CHST1: variants seen among roughly 807,000 people sequenced by gnomAD.
CHST1 encodes the protein Keratan sulfotransferase.
In CHST1, 10 loss-of-function variants were observed where a neutral mutation model predicts 22.5. The ratio of observed to expected loss-of-function variants is 0.44; its 90% CI spans 0.27 to 0.75. CHST1 has a LOEUF of 0.75. Among genes scored for constraint, CHST1 ranks in the 30% least tolerant of loss-of-function variants. The pLI is 0.15. For missense variants in CHST1, 439 were observed against 576.1 expected, an observed-to-expected ratio of 0.76 and a Z score of 2.44; for synonymous variants, 267 against 264.5, an observed-to-expected ratio of 1.01 and a Z score of -0.09.
At chr11:45,660,775 G>A (rs1852121976) in intron 1 of CHST1, among the ~76,000 whole-genome samples, 1 of 152,136 alleles carries the variant, frequency 6.6e-6, no homozygotes, top group South Asian at 2.1e-4. Flanking sequence ...CAAGTGCCCA[G>A]CTTGGGGCCC....
intron 1 of CHST1, among the ~76,000 whole-genome samples, chr11:45,659,439 G>A (rs1039571320): frequency 6.6e-6 from 1 of 152,142 alleles, no homozygotes; most frequent in Non-Finnish European, 1.5e-5. Context: ...CCCCGACCCA[G>A]ATACTGGTGC....
At chr11:45,656,718 A>G (rs1057142115) in intron 1 of CHST1, among the ~76,000 whole-genome samples, 2 of 75,274 alleles carry the variant, frequency 2.7e-5, no homozygotes, top group African/African-American at 5.0e-5. Context: ...TGTGCCTCCC[A>G]CCCTCCCCCC....
chr11:45,650,985 G>A lies in CHST1; in HGVS notation c.-42-20C>T. 6.7e-7 allele frequency: 1 copy of A among 1,493,078 alleles called. No homozygotes were observed. The highest frequency in any genetic ancestry group is 8.9e-7 in the Non-Finnish European group (1 of 1,121,192). 92.5% of individuals were successfully genotyped at this position (1,493,078 alleles called of 1,614,324 possible). A position where few individuals can be genotyped will look rare whatever the true frequency, so the allele number is the denominator to read the frequency against. On this transcript the variant is annotated intron_variant, in intron 3 of 3. Transcript: ENST00000308064. ...TGAGGTCTGTGGGCAAAGGCGGCCA[G>A]CGGTCAGGTGCCTCCACGGCGGGGG...
At chr11:45,654,892 C>G (rs1161221418) in intron 1 of CHST1, among the ~76,000 whole-genome samples, 1 of 152,228 alleles carries the variant, frequency 6.6e-6, no homozygotes, top group African/African-American at 2.4e-5. Context: ...AGCTCACCCC[C>G]TGAACCATGC....
At chr11:45,664,564 C>T (rs572912031) in intron 1 of CHST1, among the ~76,000 whole-genome samples, 102 of 152,356 alleles carry the variant, frequency 6.7e-4, no homozygotes, top group African/African-American at 2.4e-3. Flanking sequence ...GCACTGGGTC[C>T]CTGGAGCCTG....
At position 45,649,912 on chromosome 11, in the gene CHST1, C is replaced by G; in HGVS notation, c.1012G>C (p.Gly338Arg). Residue 338 changes from glycine (G) to arginine (R), a missense_variant, in exon 4 of 4, where the codon GGC becomes CGC. Physicochemically the swap from Gly to Arg is moderately radical, Grantham distance 125. Coordinates refer to ENST00000308064, the MANE Select transcript of CHST1 (RefSeq NM_003654.6). ...VARWIQNNTR[G>R]DPTLGKHKYG... ...TTGTGCTTGCCCAGGGTGGGGTCGCCCCGCGTGTTGTTCTGGATCCAGCGG... is the reference window on the plus strand; with the variant it reads ...TTGTGCTTGCCCAGGGTGGGGTCGCGCCGCGTGTTGTTCTGGATCCAGCGG... 6.2e-7 allele frequency: 1 copy of G among 1,612,370 alleles called. No homozygotes were observed. The highest frequency in any genetic ancestry group is 8.5e-7 in the Non-Finnish European group (1 of 1,180,010).
At chr11:45,662,451 T>C (rs1852146865) in intron 1 of CHST1, among the ~76,000 whole-genome samples, 1 of 152,290 alleles carries the variant, frequency 6.6e-6, no homozygotes, top group East Asian at 1.9e-4. Context: ...AAAAAATGGC[T>C]GGCTGCTTCC....
In CHST1 at chr11:45,649,464, GC is replaced by G. The variant is rs1851960765; in HGVS notation, c.*223del. 1.9e-5 allele frequency: 10 copies of G among 514,786 alleles called. No homozygotes were observed. The highest frequency in any genetic ancestry group is 1.9e-4 in the African/African-American group (9 of 46,624). The allele number at this position is 514,786 out of a possible 1,614,324, so 31.9% of individuals were successfully genotyped here. A position where few individuals can be genotyped will look rare whatever the true frequency, so the allele number is the denominator to read the frequency against. On this transcript the variant is annotated 3_prime_UTR_variant, in exon 4 of 4. Transcript: ENST00000308064. ...ATGTGTCTGAATGGGGGGGGGGGGG[GC>G]GGGACCCTACTTCAGGCGCCCTCTG...
In CHST1 at chr11:45,648,249, TGGGTAACATTTAGCACAAGAA is replaced by T. The variant is rs1851941948; in HGVS notation, c.*1418_*1438del. Among the ~76,000 whole-genome samples the T allele has an allele frequency of 6.6e-6, 1 of 152,060 alleles. No individual in the cohort carries two copies. Among genetic ancestry groups the T allele is most frequent in the African/African-American group, 2.4e-5 (1 of 41,390 alleles). ...CCTAGACCCAGACCCACCAACTAAA[TGGGTAACATTTAGCACAAGAA>T]GGGATTCCAGGATGTCATTCTTACC... On this transcript the variant is annotated 3_prime_UTR_variant, in exon 4 of 4. Transcript: ENST00000308064.
At chr11:45,662,257 C>G (rs1852144024) in intron 1 of CHST1, among the ~76,000 whole-genome samples, 1 of 152,184 alleles carries the variant, frequency 6.6e-6, no homozygotes, top group Non-Finnish European at 1.5e-5. Context: ...TCCTCTCCAT[C>G]TGCCTCAACC....
chr11:45,663,196 T>C (rs1852155952), intron 1 of CHST1, among the ~76,000 whole-genome samples: 1 of 152,038 alleles, frequency 6.6e-6, no homozygotes, highest in Non-Finnish European at 1.5e-5. Flanking sequence ...GGGAATCTAG[T>C]AGGGCATGAA....
intron 1 of CHST1, among the ~76,000 whole-genome samples, chr11:45,653,096 C>T (rs1418337862): frequency 6.6e-6 from 1 of 152,224 alleles, no homozygotes; most frequent in Non-Finnish European, 1.5e-5. Context: ...GGTGAACTCA[C>T]GTGCTTTGTG....
chr11:45,660,104 T>C (rs1173329330), intron 1 of CHST1, among the ~76,000 whole-genome samples: 1 of 152,238 alleles, frequency 6.6e-6, no homozygotes, highest in Non-Finnish European at 1.5e-5. Flanking sequence ...CGGCTGCTCA[T>C]ATACAGTGGC....
chr11:45,663,153 C>T (rs936320673), intron 1 of CHST1, among the ~76,000 whole-genome samples: 6 of 151,824 alleles, frequency 4.0e-5, no homozygotes, highest in African/African-American at 9.7e-5. Flanking sequence ...AGATCCACAG[C>T]GGGCAAGGGA....
At chr11:45,662,732 GA>G (rs1405448232) in intron 1 of CHST1, among the ~76,000 whole-genome samples, 2 of 152,150 alleles carry the variant, frequency 1.3e-5, no homozygotes, top group Non-Finnish European at 2.9e-5. Flanking sequence ...TTACAGAGGG[GA>G]AAACTGAGGC....
At chr11:45,658,515 G>C (rs1292852728) in intron 1 of CHST1, among the ~76,000 whole-genome samples, 1 of 152,214 alleles carries the variant, frequency 6.6e-6, no homozygotes, top group Non-Finnish European at 1.5e-5. Flanking sequence ...CAGAGACCTT[G>C]TCTGGGGTAA....
intron 1 of CHST1, among the ~76,000 whole-genome samples, chr11:45,664,674 G>A (rs575639386): frequency 2.9e-4 from 44 of 152,344 alleles, no homozygotes; most frequent in African/African-American, 9.9e-4. Context: ...GGCCCCACAG[G>A]GGCCCAGCTC....
At chr11:45,653,384 A>G (rs1251755610) in intron 1 of CHST1, among the ~76,000 whole-genome samples, 2 of 152,176 alleles carry the variant, frequency 1.3e-5, no homozygotes, top group African/African-American at 4.8e-5. Context: ...GAGTCTTAGG[A>G]ACTTCTCAAC....
At position 45,649,460 on chromosome 11, in the gene CHST1, G is replaced by T. The variant is rs537292170; in HGVS notation, c.*228C>A. On this transcript the variant is annotated 3_prime_UTR_variant, in exon 4 of 4. Coordinates refer to ENST00000308064, the MANE Select transcript of CHST1 (RefSeq NM_003654.6). ...ATCCATGTGTCTGAATGGGGGGGGG[G>T]GGGGCGGGACCCTACTTCAGGCGCC... The T allele has an allele frequency of 8.7e-5, 47 of 537,772 alleles. No homozygotes were observed. Among genetic ancestry groups the T allele is most frequent in the African/African-American group, 5.4e-4 (28 of 51,836 alleles). The allele number at this position is 537,772 out of a possible 1,614,324, so 33.3% of individuals were successfully genotyped here.
Sources: gnomAD v4.1 joint callset for allele counts (sites outside exome capture counted in the v4.1 genomes callset) on GRCh38, gnomAD v4.1.1 for gene constraint, MANE v1.5 for transcripts, NCBI Gene and HGNC (gene_info 2026-07-23, HGNC 2026-07-21) for gene names.